The following AMMECR1 variants were observed in gnomAD, a reference collection of about 807,000 sequenced individuals.
The protein encoded by AMMECR1 is AMMECR nuclear protein 1.
In AMMECR1, 3 loss-of-function variants were observed where a neutral mutation model predicts 22.5. The observed-to-expected ratio is 0.13, with a 90% CI of 0.06 to 0.35. The LOEUF is 0.35. AMMECR1 is among the 10% of genes least tolerant of loss of function. The pLI is 1.00. For missense variants in AMMECR1, 235 were observed against 278.7 expected (o/e 0.84, Z 1.12); for synonymous variants, 130 against 116.7 (o/e 1.11, Z -0.74).
chrX:110,314,340 C>T (rs988536266), intron 1 of AMMECR1, among the ~76,000 whole-genome samples: 3 of 111,450 alleles, frequency 2.7e-5, no homozygotes, highest in African/African-American at 6.5e-5. Flanking sequence ...CTACCCTAGC[C>T]CAAATTATCC....
chrX:110,197,198 C>T lies in AMMECR1; in HGVS notation c.*1322G>A, dbSNP rs748952910. ...CATATCTGAATGCCAACTCCATTTT[C>T]ACAGGTGTGACATAACATCTTATCA... On this transcript the variant is annotated 3_prime_UTR_variant, in exon 6 of 6. Coordinates refer to ENST00000262844, the MANE Select transcript of AMMECR1 (RefSeq NM_015365.3). 6.2e-5 allele frequency: 7 copies of T among 112,150 alleles called. No homozygotes were observed. Among genetic ancestry groups the T allele is most frequent in the African/African-American group, 2.3e-4 (7 of 30,930 alleles). The allele number at this position is 112,150 out of a possible 1,213,427, so 9.2% of individuals were successfully genotyped here. A position where few individuals can be genotyped will look rare whatever the true frequency, so the allele number is the denominator to read the frequency against.
At chrX:110,367,139 AAT>A (rs1465774510) in intron 2 of AMMECR1, among the ~76,000 whole-genome samples, 1 of 111,981 alleles carries the variant, frequency 8.9e-6, no homozygotes, top group Non-Finnish European at 1.9e-5. Flanking sequence ...CTTTTTGCCT[AAT>A]CAAGGTCATT....
intron 2 of AMMECR1, among the ~76,000 whole-genome samples, chrX:110,417,901 G>A (rs2068689219): frequency 8.9e-6 from 1 of 112,572 alleles, no homozygotes; most frequent in African/African-American, 3.2e-5. Context: ...TTTGAAACCA[G>A]GTCATTCCAG....
chrX:110,392,840 A>G (rs768266812), intron 2 of AMMECR1, among the ~76,000 whole-genome samples: 2 of 112,379 alleles, frequency 1.8e-5, no homozygotes, highest in South Asian at 7.5e-4. Context: ...GAAACTAAAA[A>G]GGCAGGGAAG....
chrX:110,348,348 C>T (rs1318414671), intron 2 of AMMECR1, among the ~76,000 whole-genome samples: 1 of 112,132 alleles, frequency 8.9e-6, no homozygotes, highest in Non-Finnish European at 1.9e-5. Flanking sequence ...ACTTGTTTTT[C>T]CTTCTGACCT....
chrX:110,197,141 A>G lies in AMMECR1; in HGVS notation c.*1379T>C, dbSNP rs2148160310. On this transcript the variant is annotated 3_prime_UTR_variant, in exon 6 of 6. Transcript: ENST00000262844. ...TCTTTGTATGCATCATGGGAAGACT[A>G]TACTTGCAGATGAGCTGGGCTCTAA... The G allele has an allele frequency of 8.9e-6, 1 of 112,265 alleles. No individual in the cohort carries two copies. Among genetic ancestry groups the G allele is most frequent in the East Asian group, 2.8e-4 (1 of 3,580 alleles). 9.3% of individuals were successfully genotyped at this position (112,265 alleles called of 1,213,427 possible).
At chrX:110,395,524 G>A (rs1238719690) in intron 2 of AMMECR1, among the ~76,000 whole-genome samples, 1 of 112,579 alleles carries the variant, frequency 8.9e-6, no homozygotes, top group Non-Finnish European at 1.9e-5. Flanking sequence ...TTTAACAGAA[G>A]AGGATACAAA....
At position 110,239,090 on chromosome X, in the gene AMMECR1, G is replaced by A. The variant is rs139713657; in HGVS notation, c.585-22458C>T. On this transcript the variant is annotated intron_variant, in intron 2 of 5. Coordinates refer to ENST00000262844, the MANE Select transcript of AMMECR1 (RefSeq NM_015365.3). Reference sequence around the variant, plus strand: ...AAGCTAGATAAATCCACAAAGAAGAGGAAAAAACAGCGCAAAAAGGCTGAA... The same window carrying A: ...AAGCTAGATAAATCCACAAAGAAGAAGAAAAAACAGCGCAAAAAGGCTGAA... 5.5e-3 allele frequency among the ~76,000 whole-genome samples: 612 copies of A among 111,747 alleles called. 3 individuals are homozygous for A. The highest frequency in any genetic ancestry group is 0.019 in the African/African-American group (594 of 30,750).
intron 2 of AMMECR1, among the ~76,000 whole-genome samples, chrX:110,377,062 G>A (rs2068381954): frequency 9.0e-6 from 1 of 111,530 alleles, no homozygotes; most frequent in African/African-American, 3.3e-5. Flanking sequence ...GGGGCCACTA[G>A]TAGACAGTAA....
At chrX:110,226,741 A>G (rs981558466) in intron 2 of AMMECR1, among the ~76,000 whole-genome samples, 1 of 112,376 alleles carries the variant, frequency 8.9e-6, no homozygotes. Context: ...ATAAATGTAT[A>G]TACATTTAAT....
chrX:110,439,185 G>A (rs1296029044), intron 1 of AMMECR1, among the ~76,000 whole-genome samples: 1 of 112,087 alleles, frequency 8.9e-6, no homozygotes, highest in African/African-American at 3.2e-5. Context: ...AGCCATTGGA[G>A]CTGCTTCAGG....
At chrX:110,200,369 C>T (rs936016660) in intron 5 of AMMECR1, among the ~76,000 whole-genome samples, 1 of 111,949 alleles carries the variant, frequency 8.9e-6, no homozygotes, top group Non-Finnish European at 1.9e-5. Context: ...TGAGAATAGG[C>T]CATTTTTAGA....
chrX:110,383,579 T>G (rs1173340536), intron 2 of AMMECR1, among the ~76,000 whole-genome samples: 1 of 111,555 alleles, frequency 9.0e-6, no homozygotes, highest in Non-Finnish European at 1.9e-5. Context: ...CCAGTCATAC[T>G]GAACTTTCCA....
chrX:110,408,664 A>G (rs1392977670), intron 2 of AMMECR1, among the ~76,000 whole-genome samples: 1 of 112,388 alleles, frequency 8.9e-6, no homozygotes, highest in Non-Finnish European at 1.9e-5. Context: ...TCAGGAAATC[A>G]TGTCAACAAT....
chrX:110,293,178 G>A (rs2067917785), intron 1 of AMMECR1, among the ~76,000 whole-genome samples: 1 of 112,071 alleles, frequency 8.9e-6, no homozygotes, highest in African/African-American at 3.2e-5. Context: ...AGAAATTGGT[G>A]GCAGCAGTTT....
At chrX:110,393,903 T>C (rs2068511565) in intron 2 of AMMECR1, among the ~76,000 whole-genome samples, 1 of 112,046 alleles carries the variant, frequency 8.9e-6, no homozygotes, top group Non-Finnish European at 1.9e-5. Context: ...TGAATACAAA[T>C]TATTGGAAAA....
At chrX:110,363,049 T>C (rs1161832476) in intron 2 of AMMECR1, among the ~76,000 whole-genome samples, 2 of 112,020 alleles carry the variant, frequency 1.8e-5, no homozygotes. Flanking sequence ...AAGATTTATC[T>C]ATTGTTTTTT....
At chrX:110,211,180 T>A (rs1303910481) in intron 3 of AMMECR1, among the ~76,000 whole-genome samples, 1 of 112,749 alleles carries the variant, frequency 8.9e-6, no homozygotes, top group African/African-American at 3.2e-5. Flanking sequence ...CTTCAAGTGA[T>A]CTTGTCTCTA....
chrX:110,328,617 G>A (rs1315624244), intron 2 of AMMECR1, among the ~76,000 whole-genome samples: 2 of 104,486 alleles, frequency 1.9e-5, no homozygotes, highest in Non-Finnish European at 3.9e-5. Context: ...CCCTCCCCCA[G>A]GCCCCCACCC....
Sources: gnomAD v4.1 joint callset for allele counts (sites outside exome capture counted in the v4.1 genomes callset) on GRCh38, gnomAD v4.1.1 for gene constraint, MANE v1.5 for transcripts, NCBI Gene and HGNC (gene_info 2026-07-23, HGNC 2026-07-21) for gene names.